Variants in RAP2C observed in about 807,000 individuals in gnomAD.
RAP2C encodes ras-related protein Rap-2c.
A neutral mutation model predicts 8.9 loss-of-function variants in RAP2C; 3 were observed. That is an observed-to-expected ratio of 0.34 (90% confidence interval 0.15 to 0.87). RAP2C has a LOEUF of 0.87. Among genes scored for constraint, RAP2C ranks in the 40% least tolerant of loss-of-function variants. The pLI is 0.51. For synonymous variants in RAP2C, 60 were observed against 52.1 expected (o/e 1.15, Z -0.65); for missense variants, 76 against 133.7 (o/e 0.57, Z 2.13).
chrX:132,204,264 A>G lies in RAP2C; in HGVS notation c.*1358T>C, dbSNP rs1930206325. On this transcript the variant is annotated 3_prime_UTR_variant, in exon 6 of 6. Coordinates refer to ENST00000370874, the MANE Select transcript of RAP2C (RefSeq NM_001271186.2). ...AAATCAAATAAAAACCCAACAATAA[A>G]ATACTGTCAAACTTACACAATTTAA... 1 of 112,348 alleles carries G rather than the reference A, an allele frequency of 8.9e-6. No homozygotes were observed. The highest frequency in any genetic ancestry group is 1.9e-5 in the Non-Finnish European group (1 of 53,133). 9.3% of individuals were successfully genotyped at this position (112,348 alleles called of 1,213,427 possible). A position where few individuals can be genotyped will look rare whatever the true frequency, so the allele number is the denominator to read the frequency against.
At position 132,216,669 on chromosome X, in the gene RAP2C, G is replaced by A. The variant is rs536333522; in HGVS notation, c.273+327C>T. ...CCCGAGATTATTTGTTAGATGTTTTGTCGTGTAAGTTAATCAATACTTGTT... is the reference window on the plus strand; with the variant it reads ...CCCGAGATTATTTGTTAGATGTTTTATCGTGTAAGTTAATCAATACTTGTT... On this transcript the variant is annotated intron_variant, in intron 4 of 5. Coordinates refer to ENST00000370874, the MANE Select transcript of RAP2C (RefSeq NM_001271186.2). Among the ~76,000 whole-genome samples, 9 of 112,058 alleles carry A rather than the reference G, an allele frequency of 8.0e-5. No individual in the cohort carries two copies. In the South Asian group the frequency reaches 3.3e-3, roughly 41 times the overall value.
intron 1 of RAP2C, chrX:132,218,815 C>G (rs758817954): frequency 1.8e-5 from 2 of 112,083 alleles, no homozygotes; most frequent in South Asian, 7.4e-4. Context: ...TCATTTGATT[C>G]CAACCACTAC....
rs1440434816 is a variant in RAP2C at position 132,203,142 on chromosome X, T to C, written c.*2480A>G. On this transcript the variant is annotated 3_prime_UTR_variant, in exon 6 of 6. Coordinates refer to ENST00000370874, the MANE Select transcript of RAP2C (RefSeq NM_001271186.2). ...AAAATTTTACTTTTACAAATCTTTATAGGTAATTGTTCAATGTTTGTACTT... is the reference window on the plus strand; with the variant it reads ...AAAATTTTACTTTTACAAATCTTTACAGGTAATTGTTCAATGTTTGTACTT... The C allele has an allele frequency of 8.9e-6, 1 of 112,016 alleles. No homozygotes were observed. The highest frequency in any genetic ancestry group is 1.9e-5 in the Non-Finnish European group (1 of 53,106). 9.2% of individuals were successfully genotyped at this position (112,016 alleles called of 1,213,427 possible).
At chrX:132,212,961 C>T (rs1221198584) in intron 5 of RAP2C, among the ~76,000 whole-genome samples, 1 of 112,123 alleles carries the variant, frequency 8.9e-6, no homozygotes, top group East Asian at 2.8e-4. Context: ...TGTTGTCATC[C>T]TTCATTTTCA....
intron 5 of RAP2C, among the ~76,000 whole-genome samples, chrX:132,211,967 A>G (rs772261322): frequency 1.0e-4 from 11 of 110,436 alleles, no homozygotes; most frequent in African/African-American, 3.6e-4. Context: ...AATGGTGAGC[A>G]AGGACAACCA....
At chrX:132,218,817 A>C (rs1341192737) in intron 1 of RAP2C, 1 of 112,274 alleles carries the variant, frequency 8.9e-6, no homozygotes, top group Non-Finnish European at 1.9e-5. Flanking sequence ...ATTTGATTCC[A>C]ACCACTACAC....
rs1425679736 is a variant in RAP2C, at chrX:132,203,366, G to A, written c.*2256C>T. ...AAGCAACATGCAATCTATTGAGGAA[G>A]CTAAAATAACTTTTGGTCCCTTTTC... On this transcript the variant is annotated 3_prime_UTR_variant, in exon 6 of 6. Transcript: ENST00000370874. 1.8e-5 allele frequency: 2 copies of A among 111,409 alleles called. No individual in the cohort carries two copies. Among genetic ancestry groups the A allele is most frequent in the African/African-American group, 6.5e-5 (2 of 30,558 alleles). 9.2% of individuals were successfully genotyped at this position (111,409 alleles called of 1,213,427 possible).
At position 132,217,116 on chromosome X, in the gene RAP2C, G is replaced by A. The variant is rs751770874; in HGVS notation, c.153C>T (p.Ser51=). Residue 51 remains serine, a synonymous_variant, in exon 4 of 6, where the codon TCC becomes TCT. Coordinates refer to ENST00000370874, the MANE Select transcript of RAP2C (RefSeq NM_001271186.2). The part of the protein sequence containing the change: ...RKEIEVDSSP[S]VLEILDTAGT... Reference sequence around the variant, plus strand: ...CTGCGGTGTCCAGAATTTCCAGCACGGAGGGGGAAGAGTCCACTTCGATCT... The same window carrying A: ...CTGCGGTGTCCAGAATTTCCAGCACAGAGGGGGAAGAGTCCACTTCGATCT... 1 of 1,204,749 alleles carries A rather than the reference G, an allele frequency of 8.3e-7. No individual in the cohort carries two copies. Among genetic ancestry groups the A allele is most frequent in the South Asian group, 1.8e-5 (1 of 55,733 alleles).
At chrX:132,207,213 T>C (rs1398545511) in intron 5 of RAP2C, among the ~76,000 whole-genome samples, 1 of 112,085 alleles carries the variant, frequency 8.9e-6, no homozygotes, top group Non-Finnish European at 1.9e-5. Context: ...CTATAAATTT[T>C]CATTTCCTTT....
intron 5 of RAP2C, among the ~76,000 whole-genome samples, chrX:132,210,199 A>C (rs767931553): frequency 4.4e-4 from 49 of 111,920 alleles, no homozygotes; most frequent in Non-Finnish European, 8.3e-4. Flanking sequence ...TGATATTATT[A>C]ATATTTACCT....
At position 132,219,076 on chromosome X, in the gene RAP2C, CT is replaced by C. The variant is rs770413658; in HGVS notation, c.-746+293del. Among the ~76,000 whole-genome samples the C allele has an allele frequency of 3.6e-5, 4 of 111,931 alleles. No homozygotes were observed. In the Admixed American group the frequency reaches 3.8e-4, roughly 11 times the overall value. On this transcript the variant is annotated intron_variant, in intron 1 of 5. Transcript: ENST00000370874. ...TTCCGACTATCTTTCCCTTTGCTAG[CT>C]TTCTATTTGTAAACTTTGTGTCGGA... is the stretch of plus-strand genomic sequence containing the variant.
rs1044887186 is a variant in RAP2C, at chrX:132,214,234, C to T, written c.486G>A (p.Arg162=). The T allele has an allele frequency of 8.3e-7, 1 of 1,211,699 alleles. No individual in the cohort carries two copies. The highest frequency in any genetic ancestry group is 1.1e-6 in the Non-Finnish European group (1 of 895,434). Residue 162 remains arginine (R), a synonymous_variant, in exon 5 of 6, where the codon AGG becomes AGA. Transcript: ENST00000370874. The part of the protein sequence containing the change: ...MVDELFAEIV[R]QMNYSSLPEK... The stretch of plus-strand genomic sequence containing the variant: ...CCGGCAGGGATGAATAGTTCATTTG[C>T]CTGACGATCTCAGCAAAAAGTTCAT...
rs1930218904 is a variant in RAP2C, at chrX:132,204,690, A to G, written c.*932T>C. 1 of 111,851 alleles carries G rather than the reference A, an allele frequency of 8.9e-6. No individual in the cohort carries two copies. The highest frequency in any genetic ancestry group is 1.9e-5 in the Non-Finnish European group (1 of 53,073). 9.2% of individuals were successfully genotyped at this position (111,851 alleles called of 1,213,427 possible). ...TATTTGAATTCAATTTTACATGTGC[A>G]GAAGTCTACTAGATGTCAATTACAA... On this transcript the variant is annotated 3_prime_UTR_variant, in exon 6 of 6. Transcript: ENST00000370874.
chrX:132,215,164 C>A lies in RAP2C; in HGVS notation c.274-718G>T, dbSNP rs751892280. 3.5e-4 allele frequency among the ~76,000 whole-genome samples: 38 copies of A among 108,495 alleles called. No homozygotes were observed. The South Asian group carries it at 0.015, about 42-fold the overall frequency. 94.2% of individuals were successfully genotyped at this position (108,495 alleles called of 115,157 possible). ...TGTTTTTACTACTTGTTTCCCCATG[C>A]GTATTACTTTTTCCAAGTAGTTACA... On this transcript the variant is annotated intron_variant, in intron 4 of 5. Coordinates refer to ENST00000370874, the MANE Select transcript of RAP2C (RefSeq NM_001271186.2).
intron 5 of RAP2C, among the ~76,000 whole-genome samples, chrX:132,206,951 T>A (rs943882744): frequency 1.8e-5 from 2 of 112,161 alleles, no homozygotes; most frequent in African/African-American, 6.5e-5. Flanking sequence ...TAAAAATACT[T>A]TCTTCACAGG....
Position 132,217,339 on chromosome X carries a change from G to A in RAP2C, c.-71C>T, listed in dbSNP as rs879068595. On this transcript the variant is annotated 5_prime_UTR_variant, in exon 4 of 6. Coordinates refer to ENST00000370874, the MANE Select transcript of RAP2C (RefSeq NM_001271186.2). ...CCCGCTAGCTGTGGCGCGGCTAGACGAGGCGGAAGGTGGGCGGAAATCTGC... is the reference window on the plus strand; with the variant it reads ...CCCGCTAGCTGTGGCGCGGCTAGACAAGGCGGAAGGTGGGCGGAAATCTGC... 2.5e-5 allele frequency: 25 copies of A among 983,023 alleles called. No individual in the cohort carries two copies. The South Asian group carries it at 7.1e-4, about 28-fold the overall frequency. The allele number at this position is 983,023 out of a possible 1,213,427, so 81.0% of individuals were successfully genotyped here.
chrX:132,209,973 GGGCCTTTAT>G (rs753085751), intron 5 of RAP2C, among the ~76,000 whole-genome samples: 120 of 111,066 alleles, frequency 1.1e-3, no homozygotes, highest in Admixed American at 1.7e-3. Context: ...GGTTCGCTGA[GGGCCTTTAT>G]GGTACATACC....
rs765536765 is a variant in RAP2C at position 132,214,329 on chromosome X, C to T, written c.391G>A (p.Gly131Ser). ...EPEREVMSSE[G>S]RALAQEWGCP... is the part of the protein sequence containing the mutation. The stretch of plus-strand genomic sequence containing the variant: ...CCCCATTCTTGAGCCAGAGCTCTGC[C>T]TTCTGAAGACATAACCTCTCTTTCT... Residue 131 changes from glycine to serine, a missense_variant, in exon 5 of 6, where the codon GGC becomes AGC. By Grantham distance (56) the Gly-to-Ser change is moderately conservative. Transcript: ENST00000370874. The T allele has an allele frequency of 2.5e-6, 3 of 1,212,005 alleles. No individual in the cohort carries two copies. The highest frequency in any genetic ancestry group is 2.2e-6 in the Non-Finnish European group (2 of 895,570).
At chrX:132,210,968 C>G (rs973617380) in intron 5 of RAP2C, among the ~76,000 whole-genome samples, 1 of 110,402 alleles carries the variant, frequency 9.1e-6, no homozygotes, top group African/African-American at 3.3e-5. Flanking sequence ...CACCAGTCCC[C>G]TCAAGTCCTA....
Sources: allele counts gnomAD v4.1 joint callset (sites outside exome capture counted in the v4.1 genomes callset), GRCh38; gene constraint gnomAD v4.1.1; transcripts MANE v1.5; gene names NCBI Gene and HGNC (gene_info 2026-07-23, HGNC 2026-07-21).